PACSIN2: variants seen among roughly 807,000 people sequenced by gnomAD.
PACSIN2 encodes the protein protein kinase C and casein kinase substrate in neurons 2, also known as protein kinase C and casein kinase substrate in neurons protein 2.
PACSIN2 carries 25 observed loss-of-function variants against 63.8 expected under a neutral mutation model. The ratio of observed to expected loss-of-function variants is 0.39; its 90% CI spans 0.29 to 0.55. PACSIN2 has a LOEUF of 0.55. PACSIN2 is among the 20% of genes least tolerant of loss of function. The pLI is 0.62. For missense variants in PACSIN2, 518 were observed against 646.9 expected (o/e 0.80, Z 2.16); for synonymous variants, 255 against 256.2 (o/e 1.00, Z 0.05).
Position 42,989,820 on chromosome 22 carries a change from G to GA in PACSIN2, c.-78+25200dup, listed in dbSNP as rs1004840932. On this transcript the variant is annotated intron_variant, in intron 1 of 10. Transcript: ENST00000263246. ...TGTCTCAAAAAAACAAAACAAGAAA[G>GA]AAAAAAAAAAGAAAAGAAAACTCAT... Among the ~76,000 whole-genome samples, 593 of 90,670 alleles carry GA rather than the reference G, an allele frequency of 6.5e-3. 6 individuals carry two copies. Among genetic ancestry groups the GA allele is most frequent in the African/African-American group, 0.023 (552 of 24,354 alleles). 59.5% of individuals were successfully genotyped at this position (90,670 alleles called of 152,430 possible). A position where few individuals can be genotyped will look rare whatever the true frequency, so the allele number is the denominator to read the frequency against.
chr22:43,007,777 A>G (rs1924190967), intron 1 of PACSIN2, among the ~76,000 whole-genome samples: 1 of 152,234 alleles, frequency 6.6e-6, no homozygotes, highest in Admixed American at 6.5e-5. Context: ...CAGAGCAGCC[A>G]TCATCTTTAT....
intron 1 of PACSIN2, among the ~76,000 whole-genome samples, chr22:42,956,297 G>A (rs1364635276): frequency 2.6e-5 from 4 of 152,148 alleles, no homozygotes; most frequent in African/African-American, 9.7e-5. Flanking sequence ...AAAGATTTAT[G>A]TCTTATGATT....
At chr22:42,981,558 C>G (rs1384948916) in intron 1 of PACSIN2, among the ~76,000 whole-genome samples, 383 of 118,502 alleles carry the variant, frequency 3.2e-3, no homozygotes, top group African/African-American at 0.013. Flanking sequence ...GCCGCCCCGT[C>G]CGGGAGGTGA....
chr22:42,920,177 C>T (rs1233362134), intron 1 of PACSIN2, among the ~76,000 whole-genome samples: 3 of 152,024 alleles, frequency 2.0e-5, no homozygotes, highest in Non-Finnish European at 2.9e-5. Context: ...GCTCCAATAC[C>T]GGAATTCAAT....
At chr22:42,979,827 C>T (rs1285698241) in intron 1 of PACSIN2, among the ~76,000 whole-genome samples, 3 of 152,218 alleles carry the variant, frequency 2.0e-5, no homozygotes, top group Admixed American at 6.5e-5. Context: ...ATCCTGACCA[C>T]ATGCTACAGA....
At position 42,971,279 on chromosome 22, in the gene PACSIN2, G is replaced by T. The variant is rs533906503; in HGVS notation, c.-78+43742C>A. On this transcript the variant is annotated intron_variant, in intron 1 of 10. Coordinates refer to ENST00000263246, the MANE Select transcript of PACSIN2 (RefSeq NM_001184970.3). ...TTTTGTATTTTTTGGTGGAGACGGG[G>T]TTTCGCCGTGTTGGCCGGGCTGGTC... Among the ~76,000 whole-genome samples, 11 of 152,290 alleles carry T rather than the reference G, an allele frequency of 7.2e-5. No individual in the cohort carries two copies. The South Asian group carries it at 2.1e-3, about 29-fold the overall frequency.
At chr22:43,012,367 C>T (rs1601628391) in intron 1 of PACSIN2, among the ~76,000 whole-genome samples, 1 of 150,662 alleles carries the variant, frequency 6.6e-6, no homozygotes, top group African/African-American at 2.4e-5. Flanking sequence ...TCCAGAAATG[C>T]CTGGCCATCA....
At chr22:42,895,527 T>C (rs1930217814) in intron 2 of PACSIN2, among the ~76,000 whole-genome samples, 2 of 152,198 alleles carry the variant, frequency 1.3e-5, no homozygotes, top group African/African-American at 4.8e-5. Context: ...GAACCACTGG[T>C]TAAAGGTTTA....
chr22:42,886,687 T>C (rs1929513492), intron 5 of PACSIN2, among the ~76,000 whole-genome samples: 1 of 152,144 alleles, frequency 6.6e-6, no homozygotes, highest in Non-Finnish European at 1.5e-5. Context: ...GGCTGTGTGC[T>C]GGATTTTGGA....
chr22:42,986,378 C>G (rs753289665), intron 1 of PACSIN2, among the ~76,000 whole-genome samples: 1 of 152,146 alleles, frequency 6.6e-6, no homozygotes, highest in Middle Eastern at 3.2e-3. Context: ...GAGTATCAAT[C>G]AAGGGCAGCA....
intron 1 of PACSIN2, among the ~76,000 whole-genome samples, chr22:42,938,063 T>A (rs187327633): frequency 3.9e-5 from 6 of 152,194 alleles, no homozygotes; most frequent in African/African-American, 1.4e-4. Flanking sequence ...AGATTCTAGA[T>A]GACAGCCCTA....
At chr22:43,001,989 C>T (rs115160501) in intron 1 of PACSIN2, among the ~76,000 whole-genome samples, 374 of 152,210 alleles carry the variant, frequency 2.5e-3, no homozygotes, top group African/African-American at 8.7e-3. Context: ...ACCTAAGGGA[C>T]AGTGGAGGGT....
intron 1 of PACSIN2, among the ~76,000 whole-genome samples, chr22:42,967,685 A>C (rs764981997): frequency 1.3e-5 from 2 of 152,078 alleles, no homozygotes; most frequent in Non-Finnish European, 2.9e-5. Context: ...TCAGGAGATC[A>C]AGACCATCCT....
At chr22:42,904,614 C>A (rs9611962) in intron 2 of PACSIN2, among the ~76,000 whole-genome samples, 4,424 of 152,308 alleles carry the variant, frequency 0.029, 84 homozygotes, top group African/African-American at 0.041. Flanking sequence ...AGCCGATGAT[C>A]TAGTGGGGAA....
rs758445747 is a variant in PACSIN2 at position 42,882,210 on chromosome 22, T to C, written c.880A>G (p.Met294Val). Residue 294 changes from methionine (M) to valine (V), a missense_variant, in exon 7 of 11, where the codon ATG becomes GTG. Physicochemically the swap from Met to Val is conservative, Grantham distance 21. Transcript: ENST00000263246. The part of the protein sequence containing the change: ...RWFRANHGPG[M>V]AMNWPQFEEW... Reference sequence around the variant, plus strand: ...TCAAACTGCGGCCAGTTCATGGCCATGCCCGGCCCGTGATTGGCTCGGAAC... The same window carrying C: ...TCAAACTGCGGCCAGTTCATGGCCACGCCCGGCCCGTGATTGGCTCGGAAC... 6.2e-7 allele frequency: 1 copy of C among 1,614,084 alleles called. No individual in the cohort carries two copies. The highest frequency in any genetic ancestry group is 8.5e-7 in the Non-Finnish European group (1 of 1,179,984).
chr22:42,980,429 G>A (rs1455241676), intron 1 of PACSIN2, among the ~76,000 whole-genome samples: 1 of 151,534 alleles, frequency 6.6e-6, no homozygotes, highest in Non-Finnish European at 1.5e-5. Context: ...TCCAGCCTGG[G>A]CGACAGAGAG....
In PACSIN2 at chr22:42,922,493, G is replaced by A. The variant is rs559874270; in HGVS notation, c.-77-10336C>T. 2.6e-5 allele frequency among the ~76,000 whole-genome samples: 4 copies of A among 152,328 alleles called. No homozygotes were observed. The South Asian group carries it at 8.3e-4, about 32-fold the overall frequency. Reference sequence around the variant, plus strand: ...GATACCCCGCTCTAATCCTCTAACTGCAGAGGTAGGCAGAGGTGGACATCC... The same window carrying A: ...GATACCCCGCTCTAATCCTCTAACTACAGAGGTAGGCAGAGGTGGACATCC... On this transcript the variant is annotated intron_variant, in intron 1 of 10. Transcript: ENST00000263246.
At chr22:42,924,652 G>A (rs957612103) in intron 1 of PACSIN2, among the ~76,000 whole-genome samples, 1 of 152,086 alleles carries the variant, frequency 6.6e-6, no homozygotes, top group African/African-American at 2.4e-5. Context: ...CTCCTCCGCT[G>A]GTCTGGGCAC....
At chr22:42,908,124 T>C (rs1324202415) in intron 2 of PACSIN2, among the ~76,000 whole-genome samples, 1 of 152,238 alleles carries the variant, frequency 6.6e-6, no homozygotes. Context: ...ACCCACAAGA[T>C]AGTGCACAGA....
Sources: gnomAD v4.1 joint callset for allele counts (sites outside exome capture counted in the v4.1 genomes callset) on GRCh38, gnomAD v4.1.1 for gene constraint, MANE v1.5 for transcripts, NCBI Gene and HGNC (gene_info 2026-07-23, HGNC 2026-07-21) for gene names.